NCK2: variants seen among roughly 807,000 people sequenced by gnomAD.
NCK2 encodes cytoplasmic protein NCK2.
NCK2 carries 16 observed loss-of-function variants against 33.9 expected under a neutral mutation model. The ratio of observed to expected loss-of-function variants is 0.47; its 90% CI spans 0.32 to 0.72. NCK2 has a LOEUF of 0.72. NCK2 is among the 30% of genes least tolerant of loss of function. NCK2 has a pLI of 0.03. For missense variants in NCK2, 418 were observed against 537.3 expected, an observed-to-expected ratio of 0.78 and a Z score of 2.19; for synonymous variants, 273 against 239.9, an observed-to-expected ratio of 1.14 and a Z score of -1.27.
At chr2:105,841,047 G>A (rs1445861999) in intron 2 of NCK2, among the ~76,000 whole-genome samples, 1 of 152,164 alleles carries the variant, frequency 6.6e-6, no homozygotes, top group Non-Finnish European at 1.5e-5. Flanking sequence ...TGATAGTGTG[G>A]ATTACAAGCT....
chr2:105,843,794 A>C (rs2104556528), intron 2 of NCK2, among the ~76,000 whole-genome samples: 1 of 152,346 alleles, frequency 6.6e-6, no homozygotes, highest in East Asian at 1.9e-4. Flanking sequence ...AAAGGTTTCC[A>C]GATAATTCAT....
intron 2 of NCK2, among the ~76,000 whole-genome samples, chr2:105,828,471 C>T (rs186606918): frequency 1.3e-5 from 2 of 152,248 alleles, no homozygotes; most frequent in African/African-American, 4.8e-5. Context: ...GCACACTCAC[C>T]CACCGCAGAT....
intron 1 of NCK2, among the ~76,000 whole-genome samples, chr2:105,802,693 C>T (rs553507963): frequency 1.1e-4 from 17 of 152,340 alleles, no homozygotes; most frequent in Admixed American, 2.0e-4. Context: ...GATCCGCCCT[C>T]GCGATGCAGA....
chr2:105,892,018 C>T (rs546938420), intron 4 of NCK2, among the ~76,000 whole-genome samples: 16 of 152,176 alleles, frequency 1.1e-4, no homozygotes, highest in South Asian at 1.0e-3. Context: ...TTTTCCACTG[C>T]TGTTCATATT....
intron 1 of NCK2, among the ~76,000 whole-genome samples, chr2:105,796,217 A>T (rs1487879250): frequency 6.6e-6 from 1 of 152,228 alleles, no homozygotes; most frequent in Non-Finnish European, 1.5e-5. Flanking sequence ...GGGTTGAAAG[A>T]CAATCATTTG....
rs199952764 is a variant in NCK2, at chr2:105,855,438, A to G, written c.226+149A>G. 2.8e-4 allele frequency: 181 copies of G among 636,728 alleles called. 1 individual carries two copies. The East Asian group carries it at 5.0e-3, about 18-fold the overall frequency. 39.4% of individuals were successfully genotyped at this position (636,728 alleles called of 1,614,324 possible). A position where few individuals can be genotyped will look rare whatever the true frequency, so the allele number is the denominator to read the frequency against. Reference sequence around the variant, plus strand: ...GTCTTTTTTAATAATCTAAGAATTAAGAGATGAAGATGGAGAAAGAGGATG... The same window carrying G: ...GTCTTTTTTAATAATCTAAGAATTAGGAGATGAAGATGGAGAAAGAGGATG... On this transcript the variant is annotated intron_variant, in intron 3 of 4. Transcript: ENST00000233154.
chr2:105,774,729 A>T (rs1315349955), intron 1 of NCK2, among the ~76,000 whole-genome samples: 1 of 152,098 alleles, frequency 6.6e-6, no homozygotes, highest in Non-Finnish European at 1.5e-5. Context: ...TCTGTGTTCC[A>T]CAAGTACACT....
At chr2:105,773,099 G>C (rs1462584736) in intron 1 of NCK2, among the ~76,000 whole-genome samples, 1 of 151,166 alleles carries the variant, frequency 6.6e-6, no homozygotes, top group Non-Finnish European at 1.5e-5. Flanking sequence ...GGCCCTCACT[G>C]TGTTATCCAG....
chr2:105,788,594 A>G (rs1014934364), intron 1 of NCK2, among the ~76,000 whole-genome samples: 2 of 152,200 alleles, frequency 1.3e-5, no homozygotes, highest in African/African-American at 4.8e-5. Flanking sequence ...ATTATACTGT[A>G]TATTACTTAT....
chr2:105,780,661 C>G (rs574182317), intron 1 of NCK2, among the ~76,000 whole-genome samples: 5 of 152,286 alleles, frequency 3.3e-5, no homozygotes, highest in South Asian at 2.1e-4. Context: ...ATCCTACCCC[C>G]CAAGGTGATG....
At chr2:105,756,057 C>T (rs1383972485) in intron 1 of NCK2, among the ~76,000 whole-genome samples, 1 of 152,202 alleles carries the variant, frequency 6.6e-6, no homozygotes, top group African/African-American at 2.4e-5. Context: ...GTTACCTGGC[C>T]TAGCATATGA....
chr2:105,873,068 C>T (rs1179412551), intron 3 of NCK2, among the ~76,000 whole-genome samples: 3 of 152,208 alleles, frequency 2.0e-5, no homozygotes, highest in Non-Finnish European at 4.4e-5. Flanking sequence ...CCCACACCCC[C>T]AGTTCCATGA....
At chr2:105,763,999 CAT>C (rs1689850450) in intron 1 of NCK2, among the ~76,000 whole-genome samples, 1 of 152,216 alleles carries the variant, frequency 6.6e-6, no homozygotes, top group Non-Finnish European at 1.5e-5. Flanking sequence ...CTGAGCATTT[CAT>C]ATGTGTTGCC....
chr2:105,784,940 TA>T (rs1690623729), intron 1 of NCK2, among the ~76,000 whole-genome samples: 1 of 152,220 alleles, frequency 6.6e-6, no homozygotes, highest in African/African-American at 2.4e-5. Flanking sequence ...AGTTGTTTTT[TA>T]TGTGTTTTTT....
intron 1 of NCK2, among the ~76,000 whole-genome samples, chr2:105,762,301 G>C (rs544283064): frequency 4.6e-5 from 7 of 152,280 alleles, no homozygotes; most frequent in Admixed American, 2.6e-4. Flanking sequence ...AACCAGGGGG[G>C]GTCTAGGTCC....
chr2:105,873,782 A>G (rs2104637802), intron 3 of NCK2, among the ~76,000 whole-genome samples: 1 of 151,988 alleles, frequency 6.6e-6, no homozygotes, highest in Non-Finnish European at 1.5e-5. Context: ...CAGGGGTGCA[A>G]CTCTTGGTTG....
At chr2:105,849,255 G>A (rs1015330128) in intron 2 of NCK2, among the ~76,000 whole-genome samples, 1 of 152,152 alleles carries the variant, frequency 6.6e-6, no homozygotes, top group African/African-American at 2.4e-5. Context: ...CTAGCAGGGC[G>A]CGGTGGTGCA....
chr2:105,770,139 AAAAG>A (rs1360296982), intron 1 of NCK2, among the ~76,000 whole-genome samples: 6 of 150,934 alleles, frequency 4.0e-5, no homozygotes, highest in Admixed American at 6.6e-5. Context: ...AAAAAAAAAA[AAAAG>A]AAAAAGGTAT....
At chr2:105,747,319 C>G (rs1017389434) in intron 1 of NCK2, among the ~76,000 whole-genome samples, 1 of 152,162 alleles carries the variant, frequency 6.6e-6, no homozygotes, top group Non-Finnish European at 1.5e-5. Flanking sequence ...CGGAAATCTT[C>G]CTTGCATGTG....
Sources: allele counts gnomAD v4.1 joint callset (sites outside exome capture counted in the v4.1 genomes callset), GRCh38; gene constraint gnomAD v4.1.1; transcripts MANE v1.5; gene names NCBI Gene and HGNC (gene_info 2026-07-23, HGNC 2026-07-21).